The following CTDSPL2 variants were observed in gnomAD, a reference collection of about 807,000 sequenced individuals.
CTDSPL2 encodes the protein CTD small phosphatase like 2, also known as CTD small phosphatase-like protein 2.
CTDSPL2 carries 5 observed loss-of-function variants against 60.0 expected under a neutral mutation model. The ratio of observed to expected loss-of-function variants is 0.08; its 90% CI spans 0.04 to 0.18. The LOEUF (loss-of-function observed/expected upper bound fraction) is 0.18, where lower values mean the gene tolerates loss of function less well. CTDSPL2 is among the 10% of genes least tolerant of loss of function. The pLI is 1.00. For synonymous variants in CTDSPL2, 186 were observed against 189.3 expected (o/e 0.98, Z 0.14); for missense variants, 370 against 548.8 (o/e 0.67, Z 3.26).
intron 1 of CTDSPL2, among the ~76,000 whole-genome samples, chr15:44,438,492 T>C (rs2080021608): frequency 6.6e-6 from 1 of 152,154 alleles, no homozygotes; most frequent in South Asian, 2.1e-4. Flanking sequence ...GATGATTGAC[T>C]ATATAAGATA....
intron 2 of CTDSPL2, among the ~76,000 whole-genome samples, chr15:44,482,949 A>AT (rs1259063708): frequency 1.3e-5 from 2 of 152,214 alleles, no homozygotes; most frequent in African/African-American, 4.8e-5. Flanking sequence ...GTAGGGCAGT[A>AT]TTATAGTAAT....
chr15:44,497,458 C>T (rs573085403), intron 7 of CTDSPL2, among the ~76,000 whole-genome samples: 4 of 152,072 alleles, frequency 2.6e-5, no homozygotes, highest in Admixed American at 1.3e-4. Flanking sequence ...CTCCGCCTCC[C>T]GGGTTTACAC....
intron 1 of CTDSPL2, among the ~76,000 whole-genome samples, chr15:44,455,838 G>GTT (rs2080424543): frequency 8.3e-6 from 1 of 119,762 alleles, no homozygotes; most frequent in Non-Finnish European, 1.7e-5. Flanking sequence ...TTTTATTGAG[G>GTT]ATTTTTTTTT....
intron 1 of CTDSPL2, among the ~76,000 whole-genome samples, chr15:44,457,001 C>T (rs1374838249): frequency 6.6e-6 from 1 of 151,970 alleles, no homozygotes; most frequent in Non-Finnish European, 1.5e-5. Flanking sequence ...TTCAGCCTCC[C>T]AGGTAGCTGG....
chr15:44,462,967 A>G (rs2080605622), intron 2 of CTDSPL2, among the ~76,000 whole-genome samples: 1 of 151,704 alleles, frequency 6.6e-6, no homozygotes, highest in Non-Finnish European at 1.5e-5. Context: ...AGCCTCCCAA[A>G]GTGTTGGGAT....
In CTDSPL2 at chr15:44,465,247, T is replaced by A. The variant is rs1050862651; in HGVS notation, c.186+6047T>A. ...CTGCTTTTTAGCACAATGAGATTTC[T>A]AATATGTAATTGAAGGCCTCACAAC... On this transcript the variant is annotated intron_variant, in intron 2 of 12. Coordinates refer to ENST00000260327, the MANE Select transcript of CTDSPL2 (RefSeq NM_016396.3). Among the ~76,000 whole-genome samples, 9 of 152,222 alleles carry A rather than the reference T, an allele frequency of 5.9e-5. 1 individual carries two copies. Among genetic ancestry groups the A allele is most frequent in the Non-Finnish European group, 1.3e-4 (9 of 68,042 alleles).
chr15:44,498,431 C>CA (rs2081336674), intron 7 of CTDSPL2, among the ~76,000 whole-genome samples: 1 of 152,002 alleles, frequency 6.6e-6, no homozygotes, highest in African/African-American at 2.4e-5. Flanking sequence ...CACGTCTCTA[C>CA]AAAAAATGAA....
intron 8 of CTDSPL2, among the ~76,000 whole-genome samples, chr15:44,504,297 C>T (rs1436735402): frequency 6.6e-6 from 1 of 152,048 alleles, no homozygotes; most frequent in African/African-American, 2.4e-5. Flanking sequence ...TTGCAGTGAG[C>T]CAAGATTGCG....
intron 2 of CTDSPL2, among the ~76,000 whole-genome samples, chr15:44,477,661 A>G (rs1421344048): frequency 1.3e-5 from 2 of 151,544 alleles, no homozygotes; most frequent in African/African-American, 2.4e-5. Flanking sequence ...ACATGGAGAA[A>G]CCCTGTCTCT....
intron 10 of CTDSPL2, 152 bp from the exon 11 acceptor site, chr15:44,519,017 C>A (rs1042065981): frequency 1.2e-5 from 5 of 425,858 alleles, no homozygotes; most frequent in Admixed American, 9.0e-5. Context: ...AAATGGCAGC[C>A]CAACGCTTAG....
At chr15:44,476,358 A>G (rs1179829845) in intron 2 of CTDSPL2, among the ~76,000 whole-genome samples, 3 of 152,066 alleles carry the variant, frequency 2.0e-5, no homozygotes, top group Non-Finnish European at 4.4e-5. Flanking sequence ...GAGCCACTGC[A>G]CCCGGCCACA....
chr15:44,459,907 A>G (rs1294695369), intron 2 of CTDSPL2, among the ~76,000 whole-genome samples: 1 of 152,176 alleles, frequency 6.6e-6, no homozygotes, highest in Admixed American at 6.6e-5. Flanking sequence ...AAGAACATAA[A>G]GAAAGAATGG....
chr15:44,437,368 T>C (rs1212832552), intron 1 of CTDSPL2, among the ~76,000 whole-genome samples: 2 of 152,224 alleles, frequency 1.3e-5, no homozygotes, highest in Non-Finnish European at 2.9e-5. Context: ...TTCAAGACCT[T>C]GGGAGCAGAT....
intron 1 of CTDSPL2, among the ~76,000 whole-genome samples, chr15:44,450,544 TC>T (rs760035253): frequency 6.6e-6 from 1 of 151,888 alleles, no homozygotes; most frequent in Non-Finnish European, 1.5e-5. Flanking sequence ...GAAACGTTTA[TC>T]TGTATATTGG....
chr15:44,466,910 G>C (rs528390448), intron 2 of CTDSPL2, among the ~76,000 whole-genome samples: 12 of 152,148 alleles, frequency 7.9e-5, no homozygotes, highest in Admixed American at 1.3e-4. Context: ...CTGCACTCCA[G>C]CCTGGGTGAC....
At chr15:44,468,701 C>A (rs773544106) in intron 2 of CTDSPL2, among the ~76,000 whole-genome samples, 18 of 152,156 alleles carry the variant, frequency 1.2e-4, no homozygotes, top group Admixed American at 2.6e-4. Context: ...AATGAATGAA[C>A]ATGGCTTTGG....
chr15:44,511,216 G>A (rs942257351), intron 8 of CTDSPL2, among the ~76,000 whole-genome samples: 6 of 152,120 alleles, frequency 3.9e-5, no homozygotes, highest in Non-Finnish European at 1.5e-5. Context: ...AAACACTCTA[G>A]CAATATATTC....
chr15:44,489,047 G>A (rs952357850), intron 4 of CTDSPL2, among the ~76,000 whole-genome samples: 1 of 151,916 alleles, frequency 6.6e-6, no homozygotes, highest in African/African-American at 2.4e-5. Context: ...GGTTTACATT[G>A]ATATTTTCTT....
intron 8 of CTDSPL2, among the ~76,000 whole-genome samples, chr15:44,506,758 G>A (rs1380413046): frequency 1.3e-5 from 2 of 150,696 alleles, no homozygotes; most frequent in African/African-American, 4.9e-5. Flanking sequence ...TTCTGTTTGA[G>A]TAAGGTTTTG....
Sources: allele counts gnomAD v4.1 joint callset (sites outside exome capture counted in the v4.1 genomes callset), GRCh38; gene constraint gnomAD v4.1.1; transcripts MANE v1.5; gene names NCBI Gene and HGNC (gene_info 2026-07-23, HGNC 2026-07-21).